GRIK4: variants seen among roughly 807,000 people sequenced by gnomAD.
GRIK4 encodes the protein glutamate ionotropic receptor kainate type subunit 4.
GRIK4 carries 40 observed loss-of-function variants against 104.9 expected under a neutral mutation model. The observed-to-expected ratio is 0.38, with a 90% CI of 0.30 to 0.50. GRIK4 has a LOEUF of 0.50. Among genes scored for constraint, GRIK4 ranks in the 20% least tolerant of loss-of-function variants. The probability of loss-of-function intolerance (pLI) is 0.93; values close to 1 mark genes in which losing one functional copy is unlikely to be tolerated. For missense variants in GRIK4, 1,047 were observed against 1,308.1 expected (o/e 0.80, Z 3.08); for synonymous variants, 485 against 524.9 (o/e 0.92, Z 1.04).
intron 4 of GRIK4, among the ~76,000 whole-genome samples, chr11:120,812,146 C>T (rs906462490): frequency 5.3e-4 from 80 of 152,282 alleles, no homozygotes; most frequent in African/African-American, 1.7e-3. Context: ...GAAGGGCTGG[C>T]AGAGAGTGAG....
intron 3 of GRIK4, among the ~76,000 whole-genome samples, chr11:120,708,816 C>CT: frequency 6.6e-6 from 1 of 152,316 alleles, no homozygotes; most frequent in South Asian, 2.1e-4. Flanking sequence ...GCCAGGACTG[C>CT]TGCACAGAGA....
chr11:120,863,258 T>C (rs1954308844), intron 9 of GRIK4, among the ~76,000 whole-genome samples: 1 of 152,242 alleles, frequency 6.6e-6, no homozygotes, highest in Admixed American at 6.5e-5. Flanking sequence ...TTGTCCCTTT[T>C]CTATGTTTGG....
intron 1 of GRIK4, among the ~76,000 whole-genome samples, chr11:120,581,923 C>T (rs1360228192): frequency 6.6e-6 from 1 of 152,040 alleles, no homozygotes; most frequent in Admixed American, 6.5e-5. Context: ...TCTTCTGCCT[C>T]AGCCTCCCTA....
chr11:120,659,185 G>A (rs138323507), intron 2 of GRIK4, among the ~76,000 whole-genome samples: 89 of 152,138 alleles, frequency 5.8e-4, no homozygotes, highest in African/African-American at 2.0e-3. Context: ...GCCAAGGCAC[G>A]TGCTGCCTTG....
At chr11:120,801,051 A>G (rs1485651783) in intron 3 of GRIK4, among the ~76,000 whole-genome samples, 5 of 152,192 alleles carry the variant, frequency 3.3e-5, no homozygotes, top group Non-Finnish European at 2.9e-5. Context: ...GGAACATTTC[A>G]TCACCCCCAA....
intron 3 of GRIK4, among the ~76,000 whole-genome samples, chr11:120,691,194 A>C (rs1238661732): frequency 1.3e-5 from 2 of 151,812 alleles, no homozygotes; most frequent in Non-Finnish European, 2.9e-5. Flanking sequence ...CAATTCACCT[A>C]CCCTAAACTT....
intron 11 of GRIK4, among the ~76,000 whole-genome samples, chr11:120,887,982 G>A (rs7112199): frequency 0.17 from 25,656 of 151,938 alleles, 2,568 homozygotes; most frequent in East Asian, 0.47. Context: ...AGGCGGTTGT[G>A]GTGGATGGCA....
At chr11:120,665,196 C>T (rs990349869) in intron 3 of GRIK4, among the ~76,000 whole-genome samples, 21 of 151,922 alleles carry the variant, frequency 1.4e-4, no homozygotes, top group East Asian at 1.9e-4. Flanking sequence ...TCTAATCCAC[C>T]GAGATTCAAA....
At chr11:120,590,372 T>C (rs1948719814) in intron 1 of GRIK4, among the ~76,000 whole-genome samples, 1 of 152,210 alleles carries the variant, frequency 6.6e-6, no homozygotes, top group African/African-American at 2.4e-5. Flanking sequence ...TGGAATGAAA[T>C]TGTCTTGCAG....
At chr11:120,551,246 A>T (rs1948136779) in intron 1 of GRIK4, among the ~76,000 whole-genome samples, 1 of 152,172 alleles carries the variant, frequency 6.6e-6, no homozygotes, top group East Asian at 1.9e-4. Context: ...TCCCTGGCTC[A>T]TAACTCCCAT....
At chr11:120,964,652 T>C (rs1944352135) in intron 18 of GRIK4, among the ~76,000 whole-genome samples, 3 of 152,122 alleles carry the variant, frequency 2.0e-5, no homozygotes, top group Non-Finnish European at 4.4e-5. Context: ...AGAGTTGGGG[T>C]AAGATAGACC....
At chr11:120,864,453 GA>G (rs1565400792) in intron 9 of GRIK4, among the ~76,000 whole-genome samples, 1 of 152,040 alleles carries the variant, frequency 6.6e-6, no homozygotes, top group Non-Finnish European at 1.5e-5. Context: ...TGTTAGCCAG[GA>G]GTGTCTCGAT....
Position 120,802,816 on chromosome 11 carries a change from T to G in GRIK4, c.206T>G (p.Phe69Cys), listed in dbSNP as rs1446993194. ...AAGGCCAAGGTCGAAGTGGACATCT[T>G]TGAGCTTCTCAGAGACAGCGAGTAC... ...LGKAKVEVDI[F>C]ELLRDSEYET... Residue 69 changes from phenylalanine to cysteine, a missense_variant, in exon 4 of 21, where the codon TTT becomes TGT. Phe to Cys is a radical substitution (Grantham distance 205). Coordinates refer to ENST00000527524, the MANE Select transcript of GRIK4 (RefSeq NM_014619.5). 3 of 1,614,114 alleles carry G rather than the reference T, an allele frequency of 1.9e-6. No individual in the cohort carries two copies. Among genetic ancestry groups the G allele is most frequent in the South Asian group, 1.1e-5 (1 of 91,076 alleles).
At chr11:120,619,361 C>T (rs941486573) in intron 1 of GRIK4, among the ~76,000 whole-genome samples, 2 of 152,168 alleles carry the variant, frequency 1.3e-5, no homozygotes, top group African/African-American at 4.8e-5. Flanking sequence ...TTTACAGGCT[C>T]ATAGGCAGAA....
chr11:120,557,791 C>T (rs1015302287), intron 1 of GRIK4, among the ~76,000 whole-genome samples: 5 of 151,868 alleles, frequency 3.3e-5, no homozygotes, highest in East Asian at 1.9e-4. Flanking sequence ...CCGAGGCAGG[C>T]GGATCACGAG....
intron 3 of GRIK4, among the ~76,000 whole-genome samples, chr11:120,705,338 G>A (rs1950611685): frequency 6.7e-6 from 1 of 150,098 alleles, no homozygotes; most frequent in South Asian, 2.1e-4. Flanking sequence ...CAGTTTTTCT[G>A]CCTCAGCCTC....
At chr11:120,610,398 T>G (rs1336185148) in intron 1 of GRIK4, among the ~76,000 whole-genome samples, 1 of 152,242 alleles carries the variant, frequency 6.6e-6, no homozygotes, top group African/African-American at 2.4e-5. Flanking sequence ...TTTATTCTTG[T>G]GTGCAGCACT....
chr11:120,535,756 T>C (rs748029425), intron 1 of GRIK4, among the ~76,000 whole-genome samples: 11 of 152,218 alleles, frequency 7.2e-5, no homozygotes, highest in Non-Finnish European at 1.6e-4. Flanking sequence ...TGAGTGAACG[T>C]TGCATTTTTT....
Position 120,934,702 on chromosome 11 carries a change from G to GAACACTT in GRIK4, c.1477-5644_1477-5638dup, listed in dbSNP as rs1268250909. Among the ~76,000 whole-genome samples, 6 of 152,122 alleles carry GAACACTT rather than the reference G, an allele frequency of 3.9e-5. No individual in the cohort carries two copies. The East Asian group carries it at 7.7e-4, about 20-fold the overall frequency. ...GAGGCAGAACACAAAGCTCTTCAAAGAACACTTTCAGTCAAAAATAGGGAG... is the reference window on the plus strand; with the variant it reads ...GAGGCAGAACACAAAGCTCTTCAAAGAACACTTAACACTTTCAGTCAAAAATAGGGAG... On this transcript the variant is annotated intron_variant, in intron 13 of 20. Coordinates refer to ENST00000527524, the MANE Select transcript of GRIK4 (RefSeq NM_014619.5).
Sources: allele counts gnomAD v4.1 joint callset (sites outside exome capture counted in the v4.1 genomes callset), GRCh38; gene constraint gnomAD v4.1.1; transcripts MANE v1.5; gene names NCBI Gene and HGNC (gene_info 2026-07-23, HGNC 2026-07-21).